LINGO2: variants seen among roughly 807,000 people sequenced by gnomAD.
LINGO2 encodes leucine rich repeat and Ig domain containing 2.
LINGO2 carries 14 observed loss-of-function variants against 30.6 expected under a neutral mutation model. The observed-to-expected ratio is 0.46, with a 90% confidence interval of 0.30 to 0.72. The LOEUF is 0.72. Among genes scored for constraint, LINGO2 ranks in the 30% least tolerant of loss-of-function variants. The pLI is 0.07. For synonymous variants in LINGO2, 317 were observed against 288.5 expected, an observed-to-expected ratio of 1.10 and a Z score of -1.00; for missense variants, 729 against 751.7, an observed-to-expected ratio of 0.97 and a Z score of 0.35.
the LINGO2 span, among the ~76,000 whole-genome samples, chr9:28,995,217 A>G: frequency 6.6e-6 from 1 of 152,248 alleles, no homozygotes. Context: ...AAGGACATGA[A>G]CAGACACTTC....
At chr9:29,044,254 T>A in the LINGO2 span, among the ~76,000 whole-genome samples, 1 of 151,286 alleles carries the variant, frequency 6.6e-6, no homozygotes, top group African/African-American at 2.4e-5. Flanking sequence ...AATAAATGAA[T>A]GGAGCAAATA....
At chr9:29,152,611 A>G in the LINGO2 span, among the ~76,000 whole-genome samples, 2 of 152,148 alleles carry the variant, frequency 1.3e-5, no homozygotes, top group African/African-American at 4.8e-5. Context: ...ATACACATGG[A>G]CATAAAGATG....
At chr9:28,014,644 C>T (rs1205421288) in intron 4 of LINGO2, among the ~76,000 whole-genome samples, 1 of 152,158 alleles carries the variant, frequency 6.6e-6, no homozygotes, top group Non-Finnish European at 1.5e-5. Flanking sequence ...GTGCTATAAA[C>T]ATTCATCTAC....
intron 2 of LINGO2, among the ~76,000 whole-genome samples, chr9:28,405,361 A>G (rs1822458461): frequency 1.3e-5 from 2 of 152,150 alleles, no homozygotes; most frequent in African/African-American, 4.8e-5. Context: ...TGAAACCTCT[A>G]TCATAGTTAA....
intron 4 of LINGO2, among the ~76,000 whole-genome samples, chr9:28,153,121 TTTG>T (rs1478185396): frequency 6.6e-6 from 1 of 152,182 alleles, no homozygotes; most frequent in Non-Finnish European, 1.5e-5. Context: ...CTATAAGACA[TTTG>T]TTGTTCCTGG....
chr9:28,490,245 C>T (rs1204105950), intron 1 of LINGO2, among the ~76,000 whole-genome samples: 3 of 152,108 alleles, frequency 2.0e-5, no homozygotes, highest in South Asian at 2.1e-4. Flanking sequence ...CTTATATTGC[C>T]GGAGTTTAAC....
chr9:27,972,666 T>G (rs1820412122), intron 5 of LINGO2, among the ~76,000 whole-genome samples: 1 of 152,180 alleles, frequency 6.6e-6, no homozygotes, highest in South Asian at 2.1e-4. Context: ...AGGTAGAAAT[T>G]TCTGAGTATT....
At position 28,199,541 on chromosome 9, in the gene LINGO2, T is replaced by C. The variant is rs533810763; in HGVS notation, c.-87+95667A>G. On this transcript the variant is annotated intron_variant, in intron 4 of 5. Coordinates refer to ENST00000379992, the Ensembl canonical transcript of LINGO2. ...TTTAAGTAGAGACGAGGTTTCACCGTGTTAGCCAGGATGGCCTCGATCTCC... is the reference window on the plus strand; with the variant it reads ...TTTAAGTAGAGACGAGGTTTCACCGCGTTAGCCAGGATGGCCTCGATCTCC... Among the ~76,000 whole-genome samples, 220 of 152,160 alleles carry C rather than the reference T, an allele frequency of 1.4e-3. 4 individuals carry two copies. In the South Asian group the frequency reaches 0.035, roughly 24 times the overall value.
chr9:29,145,874 AAC>A, the LINGO2 span, among the ~76,000 whole-genome samples: 1 of 152,212 alleles, frequency 6.6e-6, no homozygotes, highest in Non-Finnish European at 1.5e-5. Flanking sequence ...TCTCTATATA[AAC>A]ACACACAAAG....
the LINGO2 span, chr9:27,943,056 C>T: frequency 9.9e-5 from 15 of 152,050 alleles, no homozygotes; most frequent in African/African-American, 3.6e-4. Context: ...GCTGGACATA[C>T]ATTGTAAAGA....
At chr9:28,258,931 A>G (rs925714881) in intron 4 of LINGO2, among the ~76,000 whole-genome samples, 2 of 151,716 alleles carry the variant, frequency 1.3e-5, no homozygotes, top group Non-Finnish European at 2.9e-5. Flanking sequence ...CAAAAAAAAA[A>G]ACATTAAGTT....
At chr9:28,347,414 T>G (rs2134419988) in intron 3 of LINGO2, among the ~76,000 whole-genome samples, 1 of 116,910 alleles carries the variant, frequency 8.6e-6, no homozygotes, top group East Asian at 2.6e-4. Flanking sequence ...CACATTGAAG[T>G]TGACCTGGCA....
chr9:28,991,611 G>C, the LINGO2 span, among the ~76,000 whole-genome samples: 53 of 147,250 alleles, frequency 3.6e-4, no homozygotes, highest in Non-Finnish European at 3.0e-4. Context: ...AGGGCAGCCA[G>C]AGAGAAAGGT....
intron 1 of LINGO2, among the ~76,000 whole-genome samples, chr9:28,525,986 G>A (rs569269334): frequency 7.0e-6 from 1 of 142,750 alleles, no homozygotes; most frequent in Admixed American, 7.2e-5. Context: ...AACCCGGGAG[G>A]CAGAGCTTCC....
chr9:29,085,299 A>C, the LINGO2 span, among the ~76,000 whole-genome samples: 1 of 87,380 alleles, frequency 1.1e-5, no homozygotes, highest in Non-Finnish European at 2.4e-5. Context: ...AAAAAAAAAA[A>C]AAAAAAAAAA....
intron 1 of LINGO2, among the ~76,000 whole-genome samples, chr9:28,593,042 T>C (rs1824999317): frequency 6.6e-6 from 1 of 152,024 alleles, no homozygotes; most frequent in Admixed American, 6.6e-5. Context: ...TGGGGATGCA[T>C]TATATTAACA....
intron 1 of LINGO2, chr9:28,599,333 C>G (rs190050185): frequency 6.6e-6 from 1 of 152,128 alleles, no homozygotes; most frequent in South Asian, 2.1e-4. Context: ...AGAGTATAAT[C>G]TGTATGTAAT....
intron 4 of LINGO2, among the ~76,000 whole-genome samples, chr9:28,123,670 A>AT (rs11432898): frequency 0.18 from 26,601 of 147,530 alleles, 2,973 homozygotes; most frequent in African/African-American, 0.33. Context: ...AAAATATTTG[A>AT]TTTTTTTTTT....
chr9:29,210,814 A>G, the LINGO2 span, among the ~76,000 whole-genome samples: 1 of 152,194 alleles, frequency 6.6e-6, no homozygotes, highest in East Asian at 1.9e-4. Context: ...TTAAGGTGAA[A>G]TACCTGGCAG....
Sources: allele counts gnomAD v4.1 joint callset (sites outside exome capture counted in the v4.1 genomes callset), GRCh38; gene constraint gnomAD v4.1.1; transcripts MANE v1.5; gene names NCBI Gene and HGNC (gene_info 2026-07-23, HGNC 2026-07-21).